The following AK5 variants were observed in gnomAD, a reference collection of about 807,000 sequenced individuals.
AK5 encodes adenylate kinase isoenzyme 5.
Under a neutral mutation model 69.5 loss-of-function variants are expected in AK5, and 27 were observed. The ratio of observed to expected loss-of-function variants is 0.39; its 90% confidence interval spans 0.29 to 0.54. The LOEUF is 0.54. Ranked by LOEUF, AK5 falls within the 20% of genes least tolerant of loss-of-function variation. AK5 has a pLI of 0.71. For synonymous variants in AK5, 260 were observed against 244.4 expected, an observed-to-expected ratio of 1.06 and a Z score of -0.60; for missense variants, 531 against 700.4, an observed-to-expected ratio of 0.76 and a Z score of 2.73.
At chr1:77,394,789 T>TTTCATACTA (rs1312435432) in intron 6 of AK5, among the ~76,000 whole-genome samples, 1 of 151,836 alleles carries the variant, frequency 6.6e-6, no homozygotes, top group Non-Finnish European at 1.5e-5. Flanking sequence ...AAAAACATCT[T>TTTCATACTA]TTCATACTAT....
chr1:77,290,788 A>G (rs562948518), intron 2 of AK5, among the ~76,000 whole-genome samples: 16 of 152,338 alleles, frequency 1.1e-4, no homozygotes, highest in African/African-American at 3.6e-4. Flanking sequence ...ATTGAGTACT[A>G]CTATGTGTCA....
At chr1:77,325,443 C>T (rs1390667052) in intron 5 of AK5, among the ~76,000 whole-genome samples, 1 of 152,078 alleles carries the variant, frequency 6.6e-6, no homozygotes, top group Non-Finnish European at 1.5e-5. Context: ...CAGGACACAA[C>T]CTTGGATGTA....
chr1:77,479,501 C>T (rs868733562), intron 8 of AK5, among the ~76,000 whole-genome samples: 31 of 152,260 alleles, frequency 2.0e-4, no homozygotes, highest in African/African-American at 6.5e-4. Flanking sequence ...CCACCGTACC[C>T]GGCCTGAAAT....
chr1:77,483,240 A>T (rs1310331735), intron 8 of AK5, 77 bp from the exon 9 acceptor site: 12 of 1,026,910 alleles, frequency 1.2e-5, no homozygotes, highest in Non-Finnish European at 1.9e-5. Context: ...TAGGAAGTTC[A>T]AGTAGGCCAG....
rs1013334224 is a variant in AK5 at position 77,489,975 on chromosome 1, C to A, written c.1147+3623C>A. Among the ~76,000 whole-genome samples, 6 of 152,190 alleles carry A rather than the reference C, an allele frequency of 3.9e-5. No homozygotes were observed. The South Asian group carries it at 1.2e-3, about 32-fold the overall frequency. ...AAGGTCAGGGTTAAGTTCTAGCTCC[C>A]TGAGAACTCCGCTGTAATCACCATC... On this transcript the variant is annotated intron_variant, in intron 10 of 13. Transcript: ENST00000354567.
chr1:77,527,651 A>G (rs894249417), intron 12 of AK5, among the ~76,000 whole-genome samples: 3 of 152,236 alleles, frequency 2.0e-5, no homozygotes, highest in Admixed American at 6.5e-5. Flanking sequence ...ACTTACAGAG[A>G]CCAAGAGTGA....
chr1:77,451,174 G>A (rs934974324), intron 8 of AK5, among the ~76,000 whole-genome samples: 14 of 142,780 alleles, frequency 9.8e-5, no homozygotes, highest in East Asian at 6.1e-4. Context: ...ACCCTGTCTC[G>A]AAAAAAAAAT....
intron 2 of AK5, among the ~76,000 whole-genome samples, chr1:77,288,866 C>T (rs1257697928): frequency 6.6e-6 from 1 of 152,150 alleles, no homozygotes; most frequent in East Asian, 1.9e-4. Flanking sequence ...GGTCTCTCAC[C>T]ACTGTCCATC....
chr1:77,490,699 G>T (rs74090614), intron 10 of AK5, among the ~76,000 whole-genome samples: 7,108 of 151,674 alleles, frequency 0.047, 346 homozygotes, highest in East Asian at 0.2. Context: ...TGTAAAAATA[G>T]CCTTTAAAGG....
At chr1:77,289,819 C>T (rs531352481) in intron 2 of AK5, among the ~76,000 whole-genome samples, 8 of 144,620 alleles carry the variant, frequency 5.5e-5, no homozygotes, top group Admixed American at 3.5e-4. Context: ...GCTGAGATCC[C>T]GCCAGTGCAC....
chr1:77,314,191 C>T (rs1660119064), intron 5 of AK5: 1 of 288,856 alleles, frequency 3.5e-6, no homozygotes, highest in African/African-American at 2.2e-5. Context: ...GCTACGTTTT[C>T]AAGGAGGCTG....
At chr1:77,491,594 C>T (rs180914429) in intron 10 of AK5, among the ~76,000 whole-genome samples, 220 of 152,240 alleles carry the variant, frequency 1.4e-3, no homozygotes, top group Non-Finnish European at 2.3e-3. Context: ...CATGAGTCAC[C>T]GTGCTCAGCC....
At chr1:77,417,253 C>G (rs1418726057) in intron 7 of AK5, among the ~76,000 whole-genome samples, 1 of 152,042 alleles carries the variant, frequency 6.6e-6, no homozygotes, top group Non-Finnish European at 1.5e-5. Context: ...TGAAACTGCT[C>G]CCCCTCCTGG....
chr1:77,495,889 T>C (rs1307135526), intron 10 of AK5, among the ~76,000 whole-genome samples: 1 of 152,242 alleles, frequency 6.6e-6, no homozygotes, highest in Non-Finnish European at 1.5e-5. Flanking sequence ...ATTCTCTCTC[T>C]GCTATAGTAC....
chr1:77,477,217 A>T (rs993316095), intron 8 of AK5, among the ~76,000 whole-genome samples: 5 of 152,166 alleles, frequency 3.3e-5, no homozygotes, highest in African/African-American at 4.8e-5. Flanking sequence ...TTTGTAGAGC[A>T]GGGTCTCACT....
rs542541395 is a variant in AK5 at position 77,541,959 on chromosome 1, G to A, written c.1620+5921G>A. On this transcript the variant is annotated intron_variant, in intron 13 of 13. Transcript: ENST00000354567. The stretch of plus-strand genomic sequence containing the variant: ...TTTATTTTTTTCTGTACTTTATTGA[G>A]TGCATATGGTATGTGTGGGACACGA... Among the ~76,000 whole-genome samples the A allele has an allele frequency of 2.0e-5, 3 of 152,214 alleles. No individual in the cohort carries two copies. In the South Asian group the frequency reaches 6.2e-4, roughly 32 times the overall value.
intron 12 of AK5, among the ~76,000 whole-genome samples, chr1:77,527,783 G>A (rs955482260): frequency 2.0e-5 from 3 of 152,158 alleles, no homozygotes; most frequent in Admixed American, 6.5e-5. Context: ...CAGATGGCCG[G>A]GCACGGTGGC....
chr1:77,323,527 T>G (rs1660640839), intron 5 of AK5, among the ~76,000 whole-genome samples: 1 of 152,228 alleles, frequency 6.6e-6, no homozygotes. Context: ...TTTAATATTA[T>G]TTTTGTACAT....
In AK5 at chr1:77,297,898, T is replaced by C. The variant is rs1247371603; in HGVS notation, c.650T>C (p.Ile217Thr). 4 of 1,613,582 alleles carry C rather than the reference T, an allele frequency of 2.5e-6. No homozygotes were observed. The highest frequency in any genetic ancestry group is 1.7e-6 in the Non-Finnish European group (2 of 1,179,792). ...MQIPDEEGIV[I>T]DGFPRDVAQA... ...ATACCTGATGAAGAGGGCATTGTTA[T>C]TGATGGATTTCCAAGAGATGTTGCC... is the stretch of plus-strand genomic sequence containing the variant. The change falls in exon 5 of 14, where the codon ATT becomes ACT. Residue 217 changes from isoleucine to threonine, a missense_variant. Ile to Thr is a moderately conservative substitution (Grantham distance 89). Transcript: ENST00000354567.
Sources: allele counts gnomAD v4.1 joint callset (sites outside exome capture counted in the v4.1 genomes callset), GRCh38; gene constraint gnomAD v4.1.1; transcripts MANE v1.5; gene names NCBI Gene and HGNC (gene_info 2026-07-23, HGNC 2026-07-21).